The following NBEA variants were observed in gnomAD, a reference collection of about 807,000 sequenced individuals.
NBEA encodes neurobeachin.
NBEA carries 44 observed loss-of-function variants against 343.4 expected under a neutral mutation model. The observed-to-expected ratio is 0.13, with a 90% CI of 0.10 to 0.16. NBEA has a LOEUF of 0.16. Among genes scored for constraint, NBEA ranks in the 10% least tolerant of loss-of-function variants. The probability of loss-of-function intolerance (pLI) is 1.00; values close to 1 mark genes in which losing one functional copy is unlikely to be tolerated. For synonymous variants in NBEA, 1,175 were observed against 1,238.7 expected (o/e 0.95, Z 1.08); for missense variants, 2,555 against 3,631.3 (o/e 0.70, Z 7.62).
intron 53 of NBEA, among the ~76,000 whole-genome samples, chr13:35,654,618 T>G (rs571062517): frequency 4.6e-5 from 7 of 152,354 alleles, no homozygotes; most frequent in African/African-American, 1.7e-4. Flanking sequence ...CATATTGTTT[T>G]TATTGGTGGA....
At chr13:35,167,708 G>T (rs1187821713) in intron 24 of NBEA, among the ~76,000 whole-genome samples, 3 of 151,716 alleles carry the variant, frequency 2.0e-5, no homozygotes, top group African/African-American at 7.2e-5. Context: ...TGTTGTTGTT[G>T]ATTTTTTTAG....
At chr13:35,333,070 T>G (rs2039025671) in intron 36 of NBEA, among the ~76,000 whole-genome samples, 1 of 152,128 alleles carries the variant, frequency 6.6e-6, no homozygotes, top group Non-Finnish European at 1.5e-5. Context: ...ATGTTTCTAG[T>G]GGACTCTTCT....
At chr13:35,588,595 A>T (rs2081389355) in intron 46 of NBEA, among the ~76,000 whole-genome samples, 1 of 152,174 alleles carries the variant, frequency 6.6e-6, no homozygotes, top group South Asian at 2.1e-4. Context: ...CAGTGAAATC[A>T]CTTGTCTACA....
chr13:35,302,437 T>C (rs754072558), intron 35 of NBEA, among the ~76,000 whole-genome samples: 1 of 152,190 alleles, frequency 6.6e-6, no homozygotes, highest in African/African-American at 2.4e-5. Context: ...ATTGAAATTA[T>C]GCAAATAGTT....
chr13:35,503,501 C>T (rs2076966583), intron 41 of NBEA, among the ~76,000 whole-genome samples: 1 of 151,636 alleles, frequency 6.6e-6, no homozygotes, highest in South Asian at 2.1e-4. Context: ...GTATGAATAC[C>T]ATATATTAAT....
At chr13:34,987,825 C>A (rs2060609160) in intron 1 of NBEA, among the ~76,000 whole-genome samples, 1 of 151,146 alleles carries the variant, frequency 6.6e-6, no homozygotes, top group Non-Finnish European at 1.5e-5. Flanking sequence ...AGTTCTCATG[C>A]CATGCTTTTC....
chr13:35,668,095 A>C (rs991162021), intron 57 of NBEA, among the ~76,000 whole-genome samples: 1 of 152,256 alleles, frequency 6.6e-6, no homozygotes, highest in Non-Finnish European at 1.5e-5. Context: ...TTCCTGGATT[A>C]AATTGATAAT....
intron 1 of NBEA, among the ~76,000 whole-genome samples, chr13:34,959,966 T>A (rs943124942): frequency 2.0e-5 from 3 of 152,156 alleles, no homozygotes; most frequent in Non-Finnish European, 2.9e-5. Flanking sequence ...ACTGTACTTT[T>A]TATCATTATT....
At chr13:35,144,852 G>A (rs149988292) in intron 18 of NBEA, among the ~76,000 whole-genome samples, 2,123 of 152,236 alleles carry the variant, frequency 0.014, 31 homozygotes, top group Non-Finnish European at 0.021. Flanking sequence ...CTGTTGTAAT[G>A]TAAAAGACAC....
intron 40 of NBEA, among the ~76,000 whole-genome samples, chr13:35,467,388 C>A (rs1023263962): frequency 6.6e-6 from 1 of 151,970 alleles, no homozygotes; most frequent in Non-Finnish European, 1.5e-5. Context: ...AGGAGAATCG[C>A]TTAAACCGGG....
In NBEA at chr13:35,538,258, T is replaced by C. The variant is rs925544403; in HGVS notation, c.6586-12219T>C. Among the ~76,000 whole-genome samples, 5 of 152,360 alleles carry C rather than the reference T, an allele frequency of 3.3e-5. No individual in the cohort carries two copies. The East Asian group carries it at 7.7e-4, about 24-fold the overall frequency. ...TTGTTTATGTTTCATATATACCTTATACATGTAGCCTGAGGGTAATTGTAT... is the reference window on the plus strand; with the variant it reads ...TTGTTTATGTTTCATATATACCTTACACATGTAGCCTGAGGGTAATTGTAT... On this transcript the variant is annotated intron_variant, in intron 41 of 58. Transcript: ENST00000379939.
intron 48 of NBEA, among the ~76,000 whole-genome samples, chr13:35,607,947 G>A (rs1243170992): frequency 6.6e-6 from 1 of 151,998 alleles, no homozygotes; most frequent in Admixed American, 6.6e-5. Context: ...CCATTGATTT[G>A]ACTATTCTAG....
chr13:35,177,903 A>T (rs1344276795), intron 28 of NBEA, among the ~76,000 whole-genome samples: 1 of 151,764 alleles, frequency 6.6e-6, no homozygotes, highest in Non-Finnish European at 1.5e-5. Context: ...TTAGAACATG[A>T]TTAAAATATA....
chr13:35,074,520 G>A (rs1397676625), intron 10 of NBEA, among the ~76,000 whole-genome samples: 1 of 152,080 alleles, frequency 6.6e-6, no homozygotes, highest in Non-Finnish European at 1.5e-5. Flanking sequence ...TTAGAAACCA[G>A]TGTAATATAT....
intron 30 of NBEA, among the ~76,000 whole-genome samples, chr13:35,184,829 T>C (rs1171448971): frequency 1.3e-5 from 2 of 152,128 alleles, no homozygotes; most frequent in Admixed American, 1.3e-4. Flanking sequence ...ATGAGATTAC[T>C]GACTTCAGAA....
intron 38 of NBEA, among the ~76,000 whole-genome samples, chr13:35,429,300 G>A (rs914362874): frequency 2.6e-5 from 4 of 152,136 alleles, no homozygotes; most frequent in African/African-American, 9.7e-5. Flanking sequence ...GTACATGTCT[G>A]GGTTTCACAC....
intron 1 of NBEA, among the ~76,000 whole-genome samples, chr13:35,025,968 T>G (rs1303534334): frequency 6.6e-6 from 1 of 152,178 alleles, no homozygotes; most frequent in Non-Finnish European, 1.5e-5. Context: ...TTTTGATTTT[T>G]TTTTTCTTGA....
chr13:34,950,956 G>C (rs1356750043), intron 1 of NBEA, among the ~76,000 whole-genome samples: 1 of 152,150 alleles, frequency 6.6e-6, no homozygotes, highest in African/African-American at 2.4e-5. Flanking sequence ...CTGCATTCCA[G>C]CCTGGGTGAT....
intron 17 of NBEA, among the ~76,000 whole-genome samples, chr13:35,134,099 T>G (rs1216324565): frequency 3.7e-4 from 56 of 151,904 alleles, no homozygotes; most frequent in Admixed American, 3.5e-3. Flanking sequence ...AAGGAATAAT[T>G]TAAGTAGATG....
Sources: allele counts gnomAD v4.1 joint callset (sites outside exome capture counted in the v4.1 genomes callset), GRCh38; gene constraint gnomAD v4.1.1; transcripts MANE v1.5; gene names NCBI Gene and HGNC (gene_info 2026-07-23, HGNC 2026-07-21).